RIC1: variants seen among roughly 807,000 people sequenced by gnomAD.
The protein encoded by RIC1 is guanine nucleotide exchange factor subunit RIC1.
In RIC1, 88 loss-of-function variants were observed where a neutral mutation model predicts 169.0. That is an observed-to-expected ratio of 0.52 (90% confidence interval 0.44 to 0.62). The LOEUF (loss-of-function observed/expected upper bound fraction) is 0.62. Ranked by LOEUF, RIC1 falls within the 20% of genes least tolerant of loss-of-function variation. The pLI, the probability that RIC1 is intolerant of heterozygous loss-of-function variation, is 0.00. For missense variants in RIC1, 1,877 were observed against 1,725.5 expected (o/e 1.09, Z -1.56); for synonymous variants, 790 against 601.5 (o/e 1.31, Z -4.59).
Position 5,629,464 on chromosome 9 carries a change from C to A in RIC1, c.144+11C>A. 6.6e-7 allele frequency: 1 copy of A among 1,526,014 alleles called. No individual in the cohort carries two copies. Among genetic ancestry groups the A allele is most frequent in the Non-Finnish European group, 8.8e-7 (1 of 1,142,382 alleles). 94.5% of individuals were successfully genotyped at this position (1,526,014 alleles called of 1,614,324 possible). A position where few individuals can be genotyped will look rare whatever the true frequency, so the allele number is the denominator to read the frequency against. On this transcript the variant is annotated intron_variant, in intron 1 of 25. Transcript: ENST00000414202. Reference sequence around the variant, plus strand: ...ATCTGGTACAGCCGAGTAAGTAGAGCCGCCCGCCGCCTTTCGCCGCTGCCT... The same window carrying A: ...ATCTGGTACAGCCGAGTAAGTAGAGACGCCCGCCGCCTTTCGCCGCTGCCT...
At chr9:5,772,768 C>G (rs1465116253) in intron 24 of RIC1, 27 bp downstream of exon 24, 1 of 1,590,776 alleles carries the variant, frequency 6.3e-7, no homozygotes. Flanking sequence ...TTTGAAATCA[C>G]AGAATGCCTA....
intron 6 of RIC1, among the ~76,000 whole-genome samples, chr9:5,722,061 T>C (rs1823627531): frequency 6.6e-6 from 1 of 152,030 alleles, no homozygotes; most frequent in Admixed American, 6.6e-5. Context: ...CCTAATTTTG[T>C]GTCTTTAGTA....
intron 1 of RIC1, among the ~76,000 whole-genome samples, chr9:5,641,088 G>T (rs538396041): frequency 6.7e-6 from 1 of 149,900 alleles, no homozygotes; most frequent in Admixed American, 6.6e-5. Flanking sequence ...ATGCCATAAG[G>T]TAGTCTTCTT....
chr9:5,709,010 G>C (rs559640968), intron 3 of RIC1, among the ~76,000 whole-genome samples: 3 of 151,888 alleles, frequency 2.0e-5, no homozygotes, highest in Admixed American at 1.3e-4. Context: ...GAGTTTTACA[G>C]GACAAAAATC....
At chr9:5,637,547 A>G (rs1229927194) in intron 1 of RIC1, among the ~76,000 whole-genome samples, 1 of 152,196 alleles carries the variant, frequency 6.6e-6, no homozygotes, top group Non-Finnish European at 1.5e-5. Flanking sequence ...ATCAAATACT[A>G]GGTCATACTC....
rs1055214879 is a variant in RIC1 at position 5,763,218 on chromosome 9, C to T, written c.2191C>T (p.Arg731Cys). The part of the protein sequence containing the change: ...WTTCRANKQK[R>C]HLLEALWLSC... ...AACGTGTCGAGCAAATAAACAGAAA[C>T]GTCACCTTCTGGAGGCCCTCTGGCT... The change falls in exon 19 of 26, where the codon CGT becomes TGT. Residue 731 changes from arginine to cysteine, a missense_variant. By Grantham distance (180) the Arg-to-Cys change is radical. This residue lies in a region of RIC1 where 1,104 missense variants were observed against 992.0 expected (regional missense o/e 1.11). Transcript: ENST00000414202. The surrounding 1 kb of genome is among the most constrained non-coding windows in gnomAD (Gnocchi z 5.2). The T allele has an allele frequency of 2.5e-6, 4 of 1,613,990 alleles. No individual in the cohort carries two copies. The highest frequency in any genetic ancestry group is 3.3e-4 in the Middle Eastern group (2 of 6,084).
chr9:5,753,060 A>G, intron 12 of RIC1, 140 bp from the exon 13 acceptor site: 1 of 675,366 alleles, frequency 1.5e-6, no homozygotes, highest in Non-Finnish European at 2.6e-6. Context: ...TACAAATGGT[A>G]AATTCCAAGT....
At chr9:5,650,186 G>T (rs900433543) in intron 1 of RIC1, among the ~76,000 whole-genome samples, 1 of 152,108 alleles carries the variant, frequency 6.6e-6, no homozygotes, top group East Asian at 1.9e-4. Context: ...GCTGGTGGTT[G>T]CAGTGGATGA....
At chr9:5,769,420 C>T in intron 22 of RIC1, 164 bp downstream of exon 22, 1 of 1,545,924 alleles carries the variant, frequency 6.5e-7, no homozygotes, top group South Asian at 1.2e-5. Flanking sequence ...ACTGTTTGAC[C>T]AAAGATGTAA....
At chr9:5,685,723 C>G (rs1460480749) in intron 2 of RIC1, among the ~76,000 whole-genome samples, 1 of 150,792 alleles carries the variant, frequency 6.6e-6, no homozygotes, top group Non-Finnish European at 1.5e-5. Flanking sequence ...TGGGCAAGGA[C>G]TTCATGTCTA....
intron 1 of RIC1, among the ~76,000 whole-genome samples, chr9:5,651,856 C>G (rs537101964): frequency 1.3e-5 from 2 of 152,158 alleles, no homozygotes; most frequent in Non-Finnish European, 2.9e-5. Context: ...GCATGAGCCA[C>G]CGCACCTAGC....
Position 5,674,501 on chromosome 9 carries a change from T to C in RIC1, c.253-15458T>C, listed in dbSNP as rs545230097. 1.8e-3 allele frequency among the ~76,000 whole-genome samples: 276 copies of C among 152,158 alleles called. 1 individual carries two copies. The highest frequency in any genetic ancestry group is 3.3e-3 in the Non-Finnish European group (222 of 68,002). On this transcript the variant is annotated intron_variant, in intron 2 of 25. Coordinates refer to ENST00000414202, the MANE Select transcript of RIC1 (RefSeq NM_020829.4). ...ACGGTGGTGAAAGGATAATAAAAACTCAGGACCCCAATTCACCACTCCAAA... is the reference window on the plus strand; with the variant it reads ...ACGGTGGTGAAAGGATAATAAAAACCCAGGACCCCAATTCACCACTCCAAA...
In RIC1 at chr9:5,753,653, CTT is replaced by C; in HGVS notation, c.1602+12_1602+13del. On this transcript the variant is annotated splice_region_variant and intron_variant, in intron 14 of 25. Transcript: ENST00000414202. ...TTTTGGAAACATTACCCAGGTTAGT[CTT>C]TTTTGAGATTAAAAACCTATTTCTC... is the stretch of plus-strand genomic sequence containing the variant. The C allele has an allele frequency of 7.0e-7, 1 of 1,430,100 alleles. No homozygotes were observed. Among genetic ancestry groups the C allele is most frequent in the Non-Finnish European group, 9.7e-7 (1 of 1,026,726 alleles). The allele number at this position is 1,430,100 out of a possible 1,614,324, so 88.6% of individuals were successfully genotyped here.
At chr9:5,668,629 TAC>T (rs1306798881) in intron 2 of RIC1, among the ~76,000 whole-genome samples, 3 of 152,220 alleles carry the variant, frequency 2.0e-5, no homozygotes, top group Non-Finnish European at 4.4e-5. Context: ...TATTTTCAAG[TAC>T]ATTTATCTTT....
intron 6 of RIC1, among the ~76,000 whole-genome samples, chr9:5,726,433 G>A (rs1165445177): frequency 6.6e-6 from 1 of 151,800 alleles, no homozygotes; most frequent in African/African-American, 2.4e-5. Flanking sequence ...CCTTTATTTT[G>A]AGCCTATGTG....
chr9:5,666,672 T>C (rs1014327042), intron 2 of RIC1, among the ~76,000 whole-genome samples: 1 of 152,244 alleles, frequency 6.6e-6, no homozygotes, highest in Admixed American at 6.5e-5. Context: ...GTTAATGTAG[T>C]GTATTTCATT....
rs765997467 is a variant in RIC1, at chr9:5,643,723, A to C, written c.145-12860A>C. 2.6e-5 allele frequency among the ~76,000 whole-genome samples: 4 copies of C among 152,346 alleles called. No individual in the cohort carries two copies. The South Asian group carries it at 8.3e-4, about 32-fold the overall frequency. ...CTTCAGTATTTGTATGTCATCTAAA[A>C]TGGTGATATAGGACCTGCATTAAAG... is the stretch of plus-strand genomic sequence containing the variant. On this transcript the variant is annotated intron_variant, in intron 1 of 25. Transcript: ENST00000414202.
chr9:5,738,536 C>T lies in RIC1; in HGVS notation c.899C>T (p.Pro300Leu). 1.4e-6 allele frequency: 2 copies of T among 1,453,576 alleles called. No individual in the cohort carries two copies. Among genetic ancestry groups the T allele is most frequent in the South Asian group, 2.6e-5 (2 of 77,044 alleles). 90.0% of individuals were successfully genotyped at this position (1,453,576 alleles called of 1,614,324 possible). ...TTAGAGCTAACAGCAAAACAGTATC[C>T]TGGTGAGTCTTTTTTTTTTTTTTTT... ...HKLELTAKQY[P>L]DIWNKTGAVK... Residue 300 changes from proline (P) to leucine (L), a missense_variant and splice_region_variant, in exon 8 of 26, where the codon CCT becomes CTT. Pro to Leu is a moderately conservative substitution (Grantham distance 98, BLOSUM62 -3). This residue lies in a region of RIC1 where 1,104 missense variants were observed against 992.0 expected (regional missense o/e 1.11). Transcript: ENST00000414202.
chr9:5,729,133 G>A (rs970693856), intron 6 of RIC1, among the ~76,000 whole-genome samples: 1 of 152,194 alleles, frequency 6.6e-6, no homozygotes, highest in Non-Finnish European at 1.5e-5. Flanking sequence ...AGTTACAGAA[G>A]AGTTAAGCTA....
Sources: gnomAD v4.1 joint callset for allele counts (sites outside exome capture counted in the v4.1 genomes callset) on GRCh38, gnomAD v4.1.1 for gene constraint, gnomAD v4.1.1 regional missense constraint, Gnocchi (gnomAD v3.1) non-coding constraint, MANE v1.5 for transcripts, NCBI Gene and HGNC (gene_info 2026-07-23, HGNC 2026-07-21) for gene names.